The following UBASH3B variants were observed in gnomAD, a reference collection of about 807,000 sequenced individuals.
The protein encoded by UBASH3B is ubiquitin-associated and SH3 domain-containing protein B.
In UBASH3B, 37 loss-of-function variants were observed where a neutral mutation model predicts 83.4. That is an observed-to-expected ratio of 0.44 (90% CI 0.34 to 0.58). UBASH3B has a LOEUF of 0.58. UBASH3B is among the 20% of genes least tolerant of loss of function. The probability of loss-of-function intolerance (pLI) is 0.01; values close to 1 mark genes in which losing one functional copy is unlikely to be tolerated. For synonymous variants in UBASH3B, 304 were observed against 318.3 expected (o/e 0.96, Z 0.48); for missense variants, 657 against 827.2 (o/e 0.79, Z 2.52).
intron 1 of UBASH3B, chr11:122,775,779 T>C (rs1860721041): frequency 1.3e-5 from 2 of 157,140 alleles, no homozygotes; most frequent in African/African-American, 2.4e-5. Flanking sequence ...CTCAAAAAAA[T>C]AGAAAAAAGA....
At chr11:122,741,453 A>G (rs942401861) in intron 1 of UBASH3B, among the ~76,000 whole-genome samples, 5 of 152,218 alleles carry the variant, frequency 3.3e-5, no homozygotes, top group Non-Finnish European at 7.3e-5. Flanking sequence ...GTGAATGAGC[A>G]AAACCGGAGG....
At chr11:122,734,541 G>A (rs923426510) in intron 1 of UBASH3B, among the ~76,000 whole-genome samples, 62 of 152,156 alleles carry the variant, frequency 4.1e-4, no homozygotes, top group African/African-American at 1.4e-3. Flanking sequence ...CACTTGGTGA[G>A]CACACTGTAA....
rs762632430 is a variant in UBASH3B, at chr11:122,655,748, A to T, written c.-302A>T. 4.4e-5 allele frequency: 15 copies of T among 337,968 alleles called. No homozygotes were observed. The highest frequency in any genetic ancestry group is 6.4e-5 in the African/African-American group (3 of 46,992). 20.9% of individuals were successfully genotyped at this position (337,968 alleles called of 1,614,324 possible). On this transcript the variant is annotated 5_prime_UTR_variant, in exon 1 of 14. Coordinates refer to ENST00000284273, the MANE Select transcript of UBASH3B (RefSeq NM_032873.5). ...TTGCAAATTCCCGGACTGCTAGGCG[A>T]GGAGAGGGAAGGGGGCGGAGGAGAC...
At chr11:122,682,238 A>G (rs761867653) in intron 1 of UBASH3B, among the ~76,000 whole-genome samples, 1 of 152,150 alleles carries the variant, frequency 6.6e-6, no homozygotes, top group East Asian at 1.9e-4. Context: ...TTAGTAGTTG[A>G]CTGTGTGGAT....
rs1861474017 is a variant in UBASH3B, at chr11:122,812,816, T to G, written c.*2930T>G. ...AGAGTAATTGGCACATTTTAATGCA[T>G]AAGCTGGGGGTTTCATTTTCCCAGG... is the stretch of plus-strand genomic sequence containing the variant. On this transcript the variant is annotated 3_prime_UTR_variant, in exon 14 of 14. Transcript: ENST00000284273. 1 of 152,214 alleles carries G rather than the reference T, an allele frequency of 6.6e-6. No homozygotes were observed. Among genetic ancestry groups the G allele is most frequent in the Admixed American group, 6.5e-5 (1 of 15,282 alleles). The allele number at this position is 152,214 out of a possible 1,614,324, so 9.4% of individuals were successfully genotyped here. A position where few individuals can be genotyped will look rare whatever the true frequency, so the allele number is the denominator to read the frequency against.
intron 1 of UBASH3B, among the ~76,000 whole-genome samples, chr11:122,741,264 C>G (rs1861019780): frequency 6.6e-6 from 1 of 152,140 alleles, no homozygotes; most frequent in South Asian, 2.1e-4. Context: ...ATGTTCGGCT[C>G]TTTTCCTTCA....
intron 1 of UBASH3B, among the ~76,000 whole-genome samples, chr11:122,684,331 G>T (rs535393392): frequency 1.4e-3 from 213 of 152,252 alleles, no homozygotes; most frequent in African/African-American, 5.0e-3. Context: ...AATAAGGAAG[G>T]CCTAGTCCTG....
intron 1 of UBASH3B, among the ~76,000 whole-genome samples, chr11:122,696,681 G>A (rs192702202): frequency 7.9e-5 from 12 of 152,298 alleles, no homozygotes; most frequent in Admixed American, 4.6e-4. Context: ...ACGTGTGTCC[G>A]AGCTATGCCC....
In UBASH3B at chr11:122,766,273, G is replaced by A. The variant is rs891355436; in HGVS notation, c.162-9946G>A. On this transcript the variant is annotated intron_variant, in intron 1 of 13. Transcript: ENST00000284273. ...ATAAAATAGGATATAGTGGCCGGGC[G>A]CGGTGGCTCATGCCTGTAATCCCAG... is the stretch of plus-strand genomic sequence containing the variant. Among the ~76,000 whole-genome samples, 4 of 152,206 alleles carry A rather than the reference G, an allele frequency of 2.6e-5. No individual in the cohort carries two copies. In the East Asian group the frequency reaches 5.8e-4, roughly 22 times the overall value.
intron 1 of UBASH3B, among the ~76,000 whole-genome samples, chr11:122,751,281 T>C (rs1299985178): frequency 6.6e-6 from 1 of 152,216 alleles, no homozygotes; most frequent in Non-Finnish European, 1.5e-5. Context: ...TCCAATTCTC[T>C]TGCACTGAGG....
rs71054088 is a variant in UBASH3B, at chr11:122,694,954, C to CTTTT, written c.161+38768_161+38771dup. Among the ~76,000 whole-genome samples, 237 of 50,420 alleles carry CTTTT rather than the reference C, an allele frequency of 4.7e-3. 33 individuals are homozygous for CTTTT. The East Asian group carries it at 0.047, about 10-fold the overall frequency. The allele number at this position is 50,420 out of a possible 152,430, so 33.1% of individuals were successfully genotyped here. On this transcript the variant is annotated intron_variant, in intron 1 of 13. Transcript: ENST00000284273. ...TATTTATTTTTCTTTTCTTTTCTTT[C>CTTTT]TTTTTTTTTTTTTTTTTTTTTTTTT...
chr11:122,702,456 A>G (rs923333144), intron 1 of UBASH3B, among the ~76,000 whole-genome samples: 4 of 152,030 alleles, frequency 2.6e-5, no homozygotes, highest in Non-Finnish European at 4.4e-5. Flanking sequence ...AGAGAACCCT[A>G]GGTTGCAAGA....
At chr11:122,724,369 A>T (rs10892888) in intron 1 of UBASH3B, among the ~76,000 whole-genome samples, 55,931 of 152,092 alleles carry the variant, frequency 0.37, 10,574 homozygotes, top group East Asian at 0.54. Flanking sequence ...TGCTAACTTC[A>T]CTGTTGTTTG....
At chr11:122,799,071 C>G (rs775457124) in intron 10 of UBASH3B, 37 bp downstream of exon 10, 1 of 1,547,112 alleles carries the variant, frequency 6.5e-7, no homozygotes, top group Non-Finnish European at 8.9e-7. Flanking sequence ...AGTAGTCCAT[C>G]CCTCTCTTTC....
At chr11:122,772,900 G>A (rs1229554215) in intron 1 of UBASH3B, among the ~76,000 whole-genome samples, 1 of 152,142 alleles carries the variant, frequency 6.6e-6, no homozygotes, top group Non-Finnish European at 1.5e-5. Flanking sequence ...GGAAGGTTAG[G>A]GCTAGGATCA....
rs534412001 is a variant in UBASH3B, at chr11:122,813,327, A to G, written c.*3441A>G. On this transcript the variant is annotated 3_prime_UTR_variant, in exon 14 of 14. Transcript: ENST00000284273. ...TGGGAACTAATTGAACAGCTACAGTAAAAGAAGTTCCTATCTCATTGCCTT... is the reference window on the plus strand; with the variant it reads ...TGGGAACTAATTGAACAGCTACAGTGAAAGAAGTTCCTATCTCATTGCCTT... 21 of 152,358 alleles carry G rather than the reference A, an allele frequency of 1.4e-4. No individual in the cohort carries two copies. Among genetic ancestry groups the G allele is most frequent in the Non-Finnish European group, 2.2e-4 (15 of 68,036 alleles). The allele number at this position is 152,358 out of a possible 1,614,324, so 9.4% of individuals were successfully genotyped here.
intron 1 of UBASH3B, among the ~76,000 whole-genome samples, chr11:122,738,430 AGAG>A (rs1406644965): frequency 1.3e-5 from 2 of 152,196 alleles, no homozygotes; most frequent in African/African-American, 4.8e-5. Context: ...GATAGAAGAC[AGAG>A]GAGAAGACAG....
chr11:122,671,276 A>C (rs1863590109), intron 1 of UBASH3B, among the ~76,000 whole-genome samples: 1 of 152,088 alleles, frequency 6.6e-6, no homozygotes, highest in Non-Finnish European at 1.5e-5. Flanking sequence ...CTATAATCCC[A>C]GCACTTTGGG....
At chr11:122,797,623 A>G (rs1175299608) in intron 9 of UBASH3B, among the ~76,000 whole-genome samples, 1 of 152,230 alleles carries the variant, frequency 6.6e-6, no homozygotes, top group Non-Finnish European at 1.5e-5. Flanking sequence ...CTATGCACTA[A>G]TGTGTATGTA....
Sources: gnomAD v4.1 joint callset for allele counts (sites outside exome capture counted in the v4.1 genomes callset) on GRCh38, gnomAD v4.1.1 for gene constraint, MANE v1.5 for transcripts, NCBI Gene and HGNC (gene_info 2026-07-23, HGNC 2026-07-21) for gene names.